The following FIG4 variants were observed in gnomAD, a reference collection of about 807,000 sequenced individuals.
The protein encoded by FIG4 is FIG4 phosphoinositide 5-phosphatase.
Under a neutral mutation model 118.6 loss-of-function variants are expected in FIG4, and 112 were observed. The ratio of observed to expected loss-of-function variants is 0.94; its 90% CI spans 0.81 to 1.11. FIG4 has a LOEUF of 1.11. Among genes scored for constraint, FIG4 ranks in the 50% least tolerant of loss-of-function variants. The pLI, the probability that FIG4 is intolerant of heterozygous loss-of-function variation, is 0.00. For missense variants in FIG4, 969 were observed against 1,111.7 expected, an observed-to-expected ratio of 0.87 and a Z score of 1.83; for synonymous variants, 369 against 381.2, an observed-to-expected ratio of 0.97 and a Z score of 0.37.
At chr6:109,790,811 C>T (rs1778114191) in intron 19 of FIG4, among the ~76,000 whole-genome samples, 4 of 120,956 alleles carry the variant, frequency 3.3e-5, no homozygotes. Flanking sequence ...GTAGGGTTTT[C>T]CCCCCTTCTA....
At chr6:109,715,912 A>G (rs1383006589) in intron 2 of FIG4, among the ~76,000 whole-genome samples, 1 of 152,042 alleles carries the variant, frequency 6.6e-6, no homozygotes, top group Non-Finnish European at 1.5e-5. Context: ...TAACAAAACT[A>G]TTTTCTGTGT....
chr6:109,739,433 G>T (rs116925973), intron 7 of FIG4, among the ~76,000 whole-genome samples: 1 of 152,050 alleles, frequency 6.6e-6, no homozygotes, highest in Non-Finnish European at 1.5e-5. Context: ...TAGTATGTTA[G>T]ACTTTTAAAG....
chr6:109,738,484 T>C (rs772257295), intron 7 of FIG4, 31 bp downstream of exon 7: 2 of 1,592,678 alleles, frequency 1.3e-6, no homozygotes, highest in Non-Finnish European at 1.7e-6. Context: ...GTAAGATACA[T>C]ATTACTAAAC....
intron 10 of FIG4, among the ~76,000 whole-genome samples, chr6:109,753,267 A>G (rs968837533): frequency 1.3e-5 from 2 of 151,858 alleles, no homozygotes; most frequent in Non-Finnish European, 2.9e-5. Flanking sequence ...ATGCGGTGTT[A>G]TTTCTGAGGG....
chr6:109,808,899 C>T (rs1778645442), intron 22 of FIG4, among the ~76,000 whole-genome samples: 1 of 151,964 alleles, frequency 6.6e-6, no homozygotes, highest in Non-Finnish European at 1.5e-5. Context: ...GATGTATAAT[C>T]AGATATGTTA....
At chr6:109,743,341 G>A in intron 9 of FIG4, 69 bp downstream of exon 9, 1 of 1,481,242 alleles carries the variant, frequency 6.8e-7, no homozygotes, top group South Asian at 1.1e-5. Flanking sequence ...TGTTGTCACA[G>A]AAATCTCATA....
At chr6:109,789,806 G>A in intron 19 of FIG4, 129 bp downstream of exon 19, 6 of 705,824 alleles carry the variant, frequency 8.5e-6, no homozygotes, top group Non-Finnish European at 1.5e-5. Context: ...GATCACTAAG[G>A]TGTTCAATAC....
chr6:109,766,176 T>A (rs1777273582), intron 14 of FIG4, among the ~76,000 whole-genome samples: 1 of 152,220 alleles, frequency 6.6e-6, no homozygotes, highest in Admixed American at 6.5e-5. Context: ...CCTTCCATCA[T>A]GTGAGGACAC....
chr6:109,696,495 G>C (rs1399732266), intron 1 of FIG4, among the ~76,000 whole-genome samples: 1 of 152,198 alleles, frequency 6.6e-6, no homozygotes, highest in Non-Finnish European at 1.5e-5. Flanking sequence ...GCCTAAATGT[G>C]AATTGACAGG....
intron 22 of FIG4, among the ~76,000 whole-genome samples, chr6:109,798,677 G>A (rs892089255): frequency 1.3e-5 from 2 of 152,156 alleles, no homozygotes; most frequent in Non-Finnish European, 2.9e-5. Flanking sequence ...CTGAGACAGA[G>A]ACATAGAAAA....
intron 22 of FIG4, among the ~76,000 whole-genome samples, chr6:109,805,268 A>T (rs2128399729): frequency 6.6e-6 from 1 of 152,250 alleles, no homozygotes; most frequent in South Asian, 2.1e-4. Flanking sequence ...TTAATGAGAG[A>T]ATTTCCTCCC....
intron 2 of FIG4, among the ~76,000 whole-genome samples, 156 bp downstream of exon 2, chr6:109,715,332 C>A (rs1775398187): frequency 1.3e-5 from 2 of 152,196 alleles, no homozygotes; most frequent in Non-Finnish European, 2.9e-5. Flanking sequence ...AATCTCCAAT[C>A]TGATTTCTAG....
chr6:109,803,042 C>T (rs1376923609), intron 22 of FIG4, among the ~76,000 whole-genome samples: 1 of 152,080 alleles, frequency 6.6e-6, no homozygotes. Flanking sequence ...TCCTGTTGCA[C>T]CACTTTTGGA....
chr6:109,766,137 T>C (rs1777272081), intron 14 of FIG4, among the ~76,000 whole-genome samples: 1 of 152,130 alleles, frequency 6.6e-6, no homozygotes, highest in Non-Finnish European at 1.5e-5. Context: ...GTGTCCTTAT[T>C]ATAAAAGACT....
At chr6:109,813,279 A>G (rs937302686) in intron 22 of FIG4, among the ~76,000 whole-genome samples, 2 of 152,130 alleles carry the variant, frequency 1.3e-5, no homozygotes, top group African/African-American at 4.8e-5. Flanking sequence ...TTTTGTGGGT[A>G]TTTTTATACA....
At chr6:109,734,782 G>A (rs9285400) in intron 5 of FIG4, among the ~76,000 whole-genome samples, 121,175 of 152,014 alleles carry the variant, frequency 0.8, 48,492 homozygotes, top group African/African-American at 0.89. Flanking sequence ...TGCAGTGGAT[G>A]TTATAGATCT....
At chr6:109,776,750 T>C (rs1777629137) in intron 15 of FIG4, among the ~76,000 whole-genome samples, 172 bp from the exon 16 acceptor site, 1 of 152,236 alleles carries the variant, frequency 6.6e-6, no homozygotes, top group Non-Finnish European at 1.5e-5. Context: ...AGCAAGATTT[T>C]AATTCTGCTC....
chr6:109,722,628 T>A (rs1023033219), intron 3 of FIG4, among the ~76,000 whole-genome samples: 2 of 151,794 alleles, frequency 1.3e-5, no homozygotes, highest in African/African-American at 2.4e-5. Context: ...ATATATATAT[T>A]TTAGTACTTT....
chr6:109,779,957 A>G (rs1441727414), intron 16 of FIG4, among the ~76,000 whole-genome samples: 1 of 152,210 alleles, frequency 6.6e-6, no homozygotes, highest in Non-Finnish European at 1.5e-5. Context: ...TGAGGCTTAA[A>G]TGGGAAAATA....
Sources: allele counts gnomAD v4.1 joint callset (sites outside exome capture counted in the v4.1 genomes callset), GRCh38; gene constraint gnomAD v4.1.1; transcripts MANE v1.5; gene names NCBI Gene and HGNC (gene_info 2026-07-23, HGNC 2026-07-21).